Variants in SLC17A8 observed in about 807,000 individuals in gnomAD.
SLC17A8 encodes solute carrier family 17 member 8.
SLC17A8 carries 31 observed loss-of-function variants against 58.0 expected under a neutral mutation model. The observed-to-expected ratio is 0.53, with a 90% CI of 0.40 to 0.72. The LOEUF is 0.72. SLC17A8 is among the 30% of genes least tolerant of loss of function. The pLI, the probability that SLC17A8 is intolerant of heterozygous loss-of-function variation, is 0.00. For missense variants in SLC17A8, 655 were observed against 727.8 expected (o/e 0.90, Z 1.15); for synonymous variants, 228 against 249.0 (o/e 0.92, Z 0.79).
chr12:100,384,818 T>TG (rs1952661573), intron 2 of SLC17A8, among the ~76,000 whole-genome samples: 1 of 152,162 alleles, frequency 6.6e-6, no homozygotes, highest in Non-Finnish European at 1.5e-5. Context: ...GAGCTTTCCC[T>TG]CGTGGGAACT....
intron 5 of SLC17A8, among the ~76,000 whole-genome samples, chr12:100,399,976 T>G (rs1251892328): frequency 1.3e-5 from 2 of 152,236 alleles, no homozygotes; most frequent in Middle Eastern, 6.8e-3. Context: ...CTGCCTCCCC[T>G]CCTCCAGCCT....
intron 6 of SLC17A8, 103 bp downstream of exon 6, chr12:100,401,966 A>G (rs1299596561): frequency 1.1e-6 from 1 of 900,922 alleles, no homozygotes; most frequent in Non-Finnish European, 1.9e-6. Context: ...AGAGATTACT[A>G]AAACAAGTTT....
chr12:100,390,573 C>T (rs1328212679), intron 2 of SLC17A8, among the ~76,000 whole-genome samples: 1 of 151,918 alleles, frequency 6.6e-6, no homozygotes, highest in Non-Finnish European at 1.5e-5. Flanking sequence ...TGGTCTGGAT[C>T]TCCTGACCTC....
rs750296539 is a variant in SLC17A8 at position 100,393,384 on chromosome 12, C to T, written c.489C>T (p.Ala163=). The T allele has an allele frequency of 2.5e-6, 4 of 1,613,232 alleles. No individual in the cohort carries two copies. In the East Asian group the frequency reaches 6.7e-5, roughly 27 times the overall value. Residue 163 remains alanine, a synonymous_variant, in exon 4 of 12, where the codon GCC becomes GCT. Coordinates refer to ENST00000323346, the MANE Select transcript of SLC17A8 (RefSeq NM_139319.3). ...KFAANRVFGA[A]IFLTSTLNMF... Reference sequence around the variant, plus strand: ...GGTCCCCCAGGGTCTTTGGAGCTGCCATCTTCTTAACATCGACTCTGAACA... The same window carrying T: ...GGTCCCCCAGGGTCTTTGGAGCTGCTATCTTCTTAACATCGACTCTGAACA...
intron 1 of SLC17A8, among the ~76,000 whole-genome samples, chr12:100,362,093 G>A (rs1952488828): frequency 6.6e-6 from 1 of 152,216 alleles, no homozygotes; most frequent in Non-Finnish European, 1.5e-5. Context: ...TTCCTTTGGG[G>A]CAAGTGGGGC....
intron 9 of SLC17A8, among the ~76,000 whole-genome samples, chr12:100,404,858 G>A: frequency 6.6e-6 from 1 of 152,196 alleles, no homozygotes; most frequent in South Asian, 2.1e-4. Flanking sequence ...ACTTGCTCAA[G>A]TAGCAGATCC....
At position 100,391,271 on chromosome 12, in the gene SLC17A8, C is replaced by T. The variant is rs537599760; in HGVS notation, c.473+152C>T. On this transcript the variant is annotated intron_variant, in intron 3 of 11. Transcript: ENST00000323346. The stretch of plus-strand genomic sequence containing the variant: ...TTCACAGATACTGATCCCAAATGAC[C>T]CTGATCTTAATTTATTTTTATTTTT... 2,759 of 647,390 alleles carry T rather than the reference C, an allele frequency of 4.3e-3. 23 individuals carry two copies. Among genetic ancestry groups the T allele is most frequent in the South Asian group, 0.019 (1,139 of 58,574 alleles). The allele number at this position is 647,390 out of a possible 1,614,324, so 40.1% of individuals were successfully genotyped here. A position where few individuals can be genotyped will look rare whatever the true frequency, so the allele number is the denominator to read the frequency against.
chr12:100,386,980 C>T (rs900135567), intron 2 of SLC17A8, among the ~76,000 whole-genome samples: 12 of 152,196 alleles, frequency 7.9e-5, no homozygotes, highest in Admixed American at 2.6e-4. Flanking sequence ...TGAGCCACTG[C>T]GCCCAGCCAC....
intron 10 of SLC17A8, among the ~76,000 whole-genome samples, chr12:100,416,950 C>G (rs907314513): frequency 6.6e-6 from 1 of 152,210 alleles, no homozygotes; most frequent in Admixed American, 6.5e-5. Context: ...TGCACCCCTG[C>G]AATATATTGA....
At chr12:100,378,438 G>C (rs1162823050) in intron 1 of SLC17A8, among the ~76,000 whole-genome samples, 1 of 151,956 alleles carries the variant, frequency 6.6e-6, no homozygotes, top group Non-Finnish European at 1.5e-5. Flanking sequence ...GTCCAGGAGA[G>C]AACAGGAGGA....
At chr12:100,416,143 A>G (rs1342594381) in intron 10 of SLC17A8, among the ~76,000 whole-genome samples, 2 of 152,196 alleles carry the variant, frequency 1.3e-5, no homozygotes, top group Non-Finnish European at 2.9e-5. Context: ...CTGCTATAAA[A>G]ATCTATCAAT....
intron 1 of SLC17A8, among the ~76,000 whole-genome samples, chr12:100,368,958 G>T (rs1229234677): frequency 1.3e-5 from 2 of 152,174 alleles, no homozygotes; most frequent in African/African-American, 4.8e-5. Context: ...TAGCTAAAGT[G>T]GAATGAAATT....
intron 4 of SLC17A8, among the ~76,000 whole-genome samples, chr12:100,394,277 A>G (rs1477829894): frequency 6.6e-6 from 1 of 152,012 alleles, no homozygotes; most frequent in Non-Finnish European, 1.5e-5. Context: ...AACTTGTACT[A>G]TTATTTGCCT....
intron 1 of SLC17A8, among the ~76,000 whole-genome samples, chr12:100,360,396 T>C (rs1952476850): frequency 1.3e-5 from 2 of 152,212 alleles, no homozygotes; most frequent in South Asian, 4.1e-4. Flanking sequence ...ACTCATTTAA[T>C]TCTATTAAAA....
chr12:100,392,031 C>A (rs944758111), intron 3 of SLC17A8, among the ~76,000 whole-genome samples: 1 of 151,958 alleles, frequency 6.6e-6, no homozygotes, highest in Non-Finnish European at 1.5e-5. Flanking sequence ...TCTCTGTCAC[C>A]GGAGGTATTC....
intron 5 of SLC17A8, 71 bp from the exon 6 acceptor site, chr12:100,401,706 A>C: frequency 8.2e-7 from 1 of 1,220,882 alleles, no homozygotes; most frequent in Admixed American, 1.7e-5. Context: ...ACTTTACCAT[A>C]TGAATTCTAA....
chr12:100,371,214 C>T (rs563840455), intron 1 of SLC17A8, among the ~76,000 whole-genome samples: 98 of 152,292 alleles, frequency 6.4e-4, no homozygotes, highest in Non-Finnish European at 7.9e-4. Context: ...TCTCATTTAA[C>T]GTTCACAGTA....
At chr12:100,399,072 C>A (rs1593001778) in intron 5 of SLC17A8, among the ~76,000 whole-genome samples, 2 of 152,142 alleles carry the variant, frequency 1.3e-5, no homozygotes, top group Non-Finnish European at 2.9e-5. Context: ...ACTAATACAT[C>A]CAGTTACAAC....
At chr12:100,396,093 A>G (rs1170171776) in intron 4 of SLC17A8, among the ~76,000 whole-genome samples, 2 of 152,176 alleles carry the variant, frequency 1.3e-5, no homozygotes, top group Non-Finnish European at 2.9e-5. Flanking sequence ...AATCTCATTC[A>G]TGAGGGCTAC....
Sources: gnomAD v4.1 joint callset for allele counts (sites outside exome capture counted in the v4.1 genomes callset) on GRCh38, gnomAD v4.1.1 for gene constraint, MANE v1.5 for transcripts, NCBI Gene and HGNC (gene_info 2026-07-23, HGNC 2026-07-21) for gene names.